Variants in GOLGA8M observed in about 807,000 individuals in gnomAD.
GOLGA8M encodes golgin subfamily A member 8M.
A neutral mutation model predicts 87.7 loss-of-function variants in GOLGA8M; 34 were observed. The observed-to-expected ratio is 0.39, with a 90% CI of 0.29 to 0.52. The LOEUF (loss-of-function observed/expected upper bound fraction) is 0.52. Among genes scored for constraint, GOLGA8M ranks in the 20% least tolerant of loss-of-function variants. The pLI is 0.80. For synonymous variants in GOLGA8M, 138 were observed against 250.2 expected (o/e 0.55, Z 4.23); for missense variants, 396 against 682.2 (o/e 0.58, Z 4.67).
At chr15:28,705,955 TGA>T (rs2080012629) in intron 11 of GOLGA8M, among the ~76,000 whole-genome samples, 159 bp downstream of exon 11, 1 of 151,858 alleles carries the variant, frequency 6.6e-6, no homozygotes, top group African/African-American at 2.4e-5. Flanking sequence ...ACTGAGACAC[TGA>T]GACTCATTGA....
At chr15:28,706,838 T>G in intron 8 of GOLGA8M, 139 bp from the exon 9 acceptor site, 2 of 791,292 alleles carry the variant, frequency 2.5e-6, no homozygotes, top group Middle Eastern at 3.5e-4. Flanking sequence ...GTGGTCTGGT[T>G]TTTAAAAGAA....
At chr15:28,713,167 A>T (rs918759518), upstream of GOLGA8M, among the ~76,000 whole-genome samples, 7 of 151,234 alleles carry the variant, frequency 4.6e-5, no homozygotes, top group South Asian at 2.1e-4. Context: ...GTGAAACCCC[A>T]TCTCTACTAA....
chr15:28,708,273 A>C (rs1379370594), intron 5 of GOLGA8M, 100 bp from the exon 6 acceptor site: 1 of 1,610,048 alleles, frequency 6.2e-7, no homozygotes, highest in African/African-American at 1.3e-5. Context: ...GGACAGGCCC[A>C]CCCATGGGAC....
chr15:28,703,252 C>T lies in GOLGA8M; in HGVS notation c.1368+67G>A. ...AATCAGAAGGCAGGGAAACGAAGAG[C>T]ATAAAGGGGTCTTGGAGGGACCACA... On this transcript the variant is annotated intron_variant, in intron 15 of 18. Transcript: ENST00000563027. 2 of 622,466 alleles carry T rather than the reference C, an allele frequency of 3.2e-6. 1 individual carries two copies. Among genetic ancestry groups the T allele is most frequent in the Non-Finnish European group, 5.2e-6 (2 of 387,692 alleles). The allele number at this position is 622,466 out of a possible 1,614,324, so 38.6% of individuals were successfully genotyped here. A position where few individuals can be genotyped will look rare whatever the true frequency, so the allele number is the denominator to read the frequency against.
rs1388601881 is a variant in GOLGA8M, at chr15:28,702,836, C to T, written c.1369-91G>A. Reference sequence around the variant, plus strand: ...TGGAGAAGGTGGAGGTGAGTCCTGGCATGGGCCAGCTTCTCCGTGACTTCC... The same window carrying T: ...TGGAGAAGGTGGAGGTGAGTCCTGGTATGGGCCAGCTTCTCCGTGACTTCC... On this transcript the variant is annotated intron_variant, in intron 15 of 18. Coordinates refer to ENST00000563027, the MANE Select transcript of GOLGA8M (RefSeq NM_001282468.3). 19 of 1,565,200 alleles carry T rather than the reference C, an allele frequency of 1.2e-5. No homozygotes were observed. In the Admixed American group the frequency reaches 1.9e-4, roughly 16 times the overall value.
At position 28,702,572 on chromosome 15, in the gene GOLGA8M, G is replaced by A. The variant is rs1269831410; in HGVS notation, c.1470-10C>T. On this transcript the variant is annotated splice_polypyrimidine_tract_variant and intron_variant, in intron 16 of 18. Coordinates refer to ENST00000563027, the MANE Select transcript of GOLGA8M (RefSeq NM_001282468.3). The stretch of plus-strand genomic sequence containing the variant: ...AAGGTGATGGATTTTCCTGCGGGAG[G>A]ACGGGGCTCAGACGCTGGGGCCCCT... 6.2e-7 allele frequency: 1 copy of A among 1,608,400 alleles called. No individual in the cohort carries two copies. Among genetic ancestry groups the A allele is most frequent in the Admixed American group, 1.7e-5 (1 of 60,006 alleles).
rs1319339194 is a variant in GOLGA8M at position 28,702,764 on chromosome 15, A to G, written c.1369-19T>C. 2.8e-5 allele frequency: 45 copies of G among 1,597,728 alleles called. No homozygotes were observed. The highest frequency in any genetic ancestry group is 6.8e-5 in the East Asian group (3 of 44,334). On this transcript the variant is annotated intron_variant, in intron 15 of 18. Transcript: ENST00000563027. Reference sequence around the variant, plus strand: ...AGCTGCTCTGGAGCCAAAATATTGCAGTCACATCTCGGCAGCGACCTGCCC... The same window carrying G: ...AGCTGCTCTGGAGCCAAAATATTGCGGTCACATCTCGGCAGCGACCTGCCC...
Position 28,703,910 on chromosome 15 carries a change from A to T in GOLGA8M, c.1208T>A (p.Leu403Gln), listed in dbSNP as rs200923884. The change falls in exon 14 of 19, where the codon CTG becomes CAG. Residue 403 changes from leucine to glutamine, a missense_variant. Physicochemically the swap from Leu to Gln is moderately radical, Grantham distance 113. Transcript: ENST00000563027. The stretch of plus-strand genomic sequence containing the variant: ...CTGGTTCTGCTGGCTGGCAGCTTCC[A>T]GGTGCTCCTAAGGGGCCAGGAAAGA... ...ELQEKLGEEH[L>Q]EAASQQNQQL... is the part of the protein sequence containing the mutation. 1.1e-5 allele frequency: 18 copies of T among 1,580,220 alleles called. No homozygotes were observed. Among genetic ancestry groups the T allele is most frequent in the Non-Finnish European group, 1.4e-5 (17 of 1,175,064 alleles).
At position 28,711,735 on chromosome 15, in the gene GOLGA8M, T is replaced by A. The variant is rs1394590343; in HGVS notation, c.48+541A>T. On this transcript the variant is annotated intron_variant, in intron 1 of 18. Coordinates refer to ENST00000563027, the MANE Select transcript of GOLGA8M (RefSeq NM_001282468.3). ...TGACATCACAACATTCCACTCCTCC[T>A]GGTCGGGGGGAGGGACCATGTCAGC... The A allele has an allele frequency of 6.1e-6, 6 of 985,104 alleles. No homozygotes were observed. In the African/African-American group the frequency reaches 1.0e-4, roughly 17 times the overall value. The allele number at this position is 985,104 out of a possible 1,614,324, so 61.0% of individuals were successfully genotyped here.
rs763120985 is a variant in GOLGA8M, at chr15:28,702,295, C to G, written c.1642G>C (p.Ala548Pro). 2 of 1,539,614 alleles carry G rather than the reference C, an allele frequency of 1.3e-6. No homozygotes were observed. Among genetic ancestry groups the G allele is most frequent in the Non-Finnish European group, 1.7e-6 (2 of 1,152,104 alleles). The part of the protein sequence containing the change: ...NYNNGHRKFL[A>P]AAHNSADEPG... ...TCATCAGCAGAGTTGTGGGCAGCGG[C>G]CAGGAATTTTCTGTGCCCATTGTTG... The change falls in exon 18 of 19, where the codon GCC (alanine) becomes CCC (proline). Residue 548 changes from alanine to proline, a missense_variant. Around this residue, in one of 12 missense-constraint regions of GOLGA8M, gnomAD observed 173 missense variants for 150.2 expected, o/e 1.15. Transcript: ENST00000563027.
rs2080079957 is a variant in GOLGA8M at position 28,707,780 on chromosome 15, C to T, written c.559G>A (p.Val187Ile). The change falls in exon 8 of 19, where the codon GTC becomes ATC. Residue 187 changes from valine to isoleucine, a missense_variant. Val to Ile is a conservative substitution (Grantham distance 29, BLOSUM62 3). This residue lies in a region of GOLGA8M where 80 missense variants were observed against 119.9 expected (regional missense o/e 0.67). Coordinates refer to ENST00000563027, the MANE Select transcript of GOLGA8M (RefSeq NM_001282468.3). ...GCCTTCTTCTTCTGTGTGGCCATGACATCAGAGAGAACACTCTCTAACTCT... is the reference window on the plus strand; with the variant it reads ...GCCTTCTTCTTCTGTGTGGCCATGATATCAGAGAGAACACTCTCTAACTCT... ...KGELESVLSD[V>I]MATQKKKANQ... 3 of 1,555,114 alleles carry T rather than the reference C, an allele frequency of 1.9e-6. No individual in the cohort carries two copies. The highest frequency in any genetic ancestry group is 3.9e-5 in the Admixed American group (2 of 51,548).
rs2080119226 is a variant in GOLGA8M at position 28,708,833 on chromosome 15, T to C, written c.310-420A>G. Among the ~76,000 whole-genome samples the C allele has an allele frequency of 3.3e-5, 5 of 151,206 alleles. No homozygotes were observed. The South Asian group carries it at 6.5e-4, about 20-fold the overall frequency. On this transcript the variant is annotated intron_variant, in intron 4 of 18. Coordinates refer to ENST00000563027, the MANE Select transcript of GOLGA8M (RefSeq NM_001282468.3). The stretch of plus-strand genomic sequence containing the variant: ...GCCCTTAGCCCTGAGGTTTCCATTC[T>C]CGGGGGCCTTTAAATCTCAGACTCG...
At position 28,699,314 on chromosome 15, in the gene GOLGA8M, G is replaced by A. The variant is rs904794508; in HGVS notation, c.*2640C>T. 1.3e-5 allele frequency among the ~76,000 whole-genome samples: 2 copies of A among 148,858 alleles called. No individual in the cohort carries two copies. The highest frequency in any genetic ancestry group is 5.0e-5 in the African/African-American group (2 of 40,376). On this transcript the variant is annotated 3_prime_UTR_variant, in exon 19 of 19. Transcript: ENST00000563027. The stretch of plus-strand genomic sequence containing the variant: ...AGTGGAACTCACAGTTTAAAATTCT[G>A]TGTTTCTGATGAACTCTAACATTCC...
intron 18 of GOLGA8M, 27 bp downstream of exon 18, chr15:28,702,187 C>A: frequency 6.3e-7 from 1 of 1,588,560 alleles, no homozygotes; most frequent in East Asian, 2.2e-5. Context: ...TTCCTGCCTG[C>A]CCACACCACC....
chr15:28,713,301 T>C (rs4296228), upstream of GOLGA8M, among the ~76,000 whole-genome samples: 20,538 of 148,404 alleles, frequency 0.14, 2,721 homozygotes, highest in East Asian at 0.62. Context: ...CATGCCGCTG[T>C]ACTCCAGCCT....
chr15:28,703,986 C>T lies in GOLGA8M; in HGVS notation c.1201-69G>A, dbSNP rs185223372. 2.7e-5 allele frequency: 42 copies of T among 1,569,368 alleles called. No individual in the cohort carries two copies. In the South Asian group the frequency reaches 2.9e-4, roughly 11 times the overall value. Reference sequence around the variant, plus strand: ...TCGTCCCCCTCACAGCCCCATCCTCCGCAGCTCCCTCCCCTGGGTCTCCTG... The same window carrying T: ...TCGTCCCCCTCACAGCCCCATCCTCTGCAGCTCCCTCCCCTGGGTCTCCTG... On this transcript the variant is annotated intron_variant, in intron 13 of 18. Coordinates refer to ENST00000563027, the MANE Select transcript of GOLGA8M (RefSeq NM_001282468.3).
At position 28,702,205 on chromosome 15, in the gene GOLGA8M, T is replaced by G. The variant is rs752002063; in HGVS notation, c.1723+9A>C. ...CTGCCTGCCCACACCACCTGAGGGC[T>G]GTACTCACCACCATGCTTGTCTGCA... On this transcript the variant is annotated intron_variant, in intron 18 of 18. Coordinates refer to ENST00000563027, the MANE Select transcript of GOLGA8M (RefSeq NM_001282468.3). 2.5e-6 allele frequency: 4 copies of G among 1,590,088 alleles called. No homozygotes were observed. The South Asian group carries it at 4.4e-5, about 18-fold the overall frequency.
Position 28,712,031 on chromosome 15 carries a change from G to A in GOLGA8M, c.48+245C>T, listed in dbSNP as rs972327205. 5 of 985,078 alleles carry A rather than the reference G, an allele frequency of 5.1e-6. No individual in the cohort carries two copies. In the African/African-American group the frequency reaches 5.2e-5, roughly 10 times the overall value. The allele number at this position is 985,078 out of a possible 1,614,324, so 61.0% of individuals were successfully genotyped here. On this transcript the variant is annotated intron_variant, in intron 1 of 18. Transcript: ENST00000563027. ...CGGCAGGAGATGAGGGCCCAGTAAC[G>A]GAGCGGGAAGCCCCAGGAGTCACCC...
At chr15:28,710,147 G>A (rs2140942702) in intron 2 of GOLGA8M, among the ~76,000 whole-genome samples, 1 of 144,596 alleles carries the variant, frequency 6.9e-6, no homozygotes, top group South Asian at 2.2e-4. Flanking sequence ...GCATAATCTT[G>A]GCTACTGCAA....
Sources: gnomAD v4.1 joint callset for allele counts (sites outside exome capture counted in the v4.1 genomes callset) on GRCh38, gnomAD v4.1.1 for gene constraint, gnomAD v4.1.1 regional missense constraint, MANE v1.5 for transcripts, NCBI Gene and HGNC (gene_info 2026-07-23, HGNC 2026-07-21) for gene names.